NCOA6: variants seen among roughly 807,000 people sequenced by gnomAD.
The protein encoded by NCOA6 is nuclear receptor coactivator 6.
Under a neutral mutation model 171.4 loss-of-function variants are expected in NCOA6, and 49 were observed. That is an observed-to-expected ratio of 0.29 (90% CI 0.23 to 0.36). The LOEUF (loss-of-function observed/expected upper bound fraction) is 0.36. Among genes scored for constraint, NCOA6 ranks in the 10% least tolerant of loss-of-function variants. NCOA6 has a pLI of 1.00. For synonymous variants in NCOA6, 910 were observed against 927.5 expected, an observed-to-expected ratio of 0.98 and a Z score of 0.34; for missense variants, 2,248 against 2,554.5, an observed-to-expected ratio of 0.88 and a Z score of 2.59.
chr20:34,738,842 TTGAACTC>T (rs1225998353), intron 11 of NCOA6: 2 of 455,486 alleles, frequency 4.4e-6, no homozygotes, highest in Non-Finnish European at 8.8e-6. Flanking sequence ...GGGCTAGAAT[TTGAACTC>T]TGATCTTACC....
rs80328942 is a variant in NCOA6, at chr20:34,770,431, T to C, written c.392-1845A>G. On this transcript the variant is annotated intron_variant, in intron 4 of 14. Coordinates refer to ENST00000359003, the MANE Select transcript of NCOA6 (RefSeq NM_014071.5). ...ACTGGGAGCTACCAGATGCTATAGC[T>C]TGCCTCTAGAAGTCAGGCGTAAAAA... Among the ~76,000 whole-genome samples the C allele has an allele frequency of 7.1e-3, 1,081 of 152,194 alleles. 12 individuals are homozygous for C. The highest frequency in any genetic ancestry group is 0.024 in the African/African-American group (1,002 of 41,526).
In NCOA6 at chr20:34,750,253, T is replaced by C. The variant is rs756923392; in HGVS notation, c.1942A>G (p.Met648Val). 1.2e-6 allele frequency: 2 copies of C among 1,611,460 alleles called. No individual in the cohort carries two copies. Among genetic ancestry groups the C allele is most frequent in the South Asian group, 1.1e-5 (1 of 90,824 alleles). The change falls in exon 9 of 15, where the codon ATG becomes GTG. Residue 648 changes from methionine (M) to valine (V), a missense_variant. Coordinates refer to ENST00000359003, the MANE Select transcript of NCOA6 (RefSeq NM_014071.5). ...QQGTLNPQNP[M>V]ILSRAQLMPQ... is the part of the protein sequence containing the mutation. ...ATAAGCTGGGCCCTTGAAAGGATCATAGGGTTCTGAGGGTTCAAGGTTCCT... is the reference window on the plus strand; with the variant it reads ...ATAAGCTGGGCCCTTGAAAGGATCACAGGGTTCTGAGGGTTCAAGGTTCCT...
chr20:34,771,307 A>T (rs996144831), intron 4 of NCOA6, among the ~76,000 whole-genome samples: 1 of 151,628 alleles, frequency 6.6e-6, no homozygotes, highest in African/African-American at 2.4e-5. Flanking sequence ...TTAAATTTTA[A>T]ATTTTTTGTA....
In NCOA6 at chr20:34,782,187, C is replaced by T; in HGVS notation, c.169G>A (p.Asp57Asn). 6.2e-7 allele frequency: 1 copy of T among 1,612,394 alleles called. No homozygotes were observed. The highest frequency in any genetic ancestry group is 8.5e-7 in the Non-Finnish European group (1 of 1,179,176). Residue 57 changes from aspartate to asparagine, a missense_variant, in exon 3 of 15, where the codon GAT becomes AAT. By Grantham distance (23) the Asp-to-Asn change is conservative. Coordinates refer to ENST00000359003, the MANE Select transcript of NCOA6 (RefSeq NM_014071.5). ...TIFVAFKGNI[D>N]DKDFKWKLDA... ...AATTTCCATTTGAAGTCTTTATCAT[C>T]TATATTTCCTTTGAAGGCCACAAAA...
intron 1 of NCOA6, among the ~76,000 whole-genome samples, chr20:34,809,032 C>T (rs2078562500): frequency 6.6e-6 from 1 of 152,162 alleles, no homozygotes; most frequent in Non-Finnish European, 1.5e-5. Flanking sequence ...TGATTTCCCC[C>T]TGCAAAGTTA....
chr20:34,728,602 G>T (rs1335533287), intron 13 of NCOA6, among the ~76,000 whole-genome samples: 1 of 152,208 alleles, frequency 6.6e-6, no homozygotes, highest in Non-Finnish European at 1.5e-5. Flanking sequence ...AGAAACTCTG[G>T]TGTAACCCTT....
intron 11 of NCOA6, among the ~76,000 whole-genome samples, chr20:34,738,699 G>T (rs1205939425): frequency 6.6e-6 from 1 of 152,236 alleles, no homozygotes; most frequent in Non-Finnish European, 1.5e-5. Context: ...TTGGCCACTT[G>T]ACAAATCTTC....
chr20:34,796,829 A>C (rs1328574836), intron 1 of NCOA6, among the ~76,000 whole-genome samples: 1 of 152,000 alleles, frequency 6.6e-6, no homozygotes, highest in Non-Finnish European at 1.5e-5. Flanking sequence ...CAAATTAAAA[A>C]AAAAAAAGGT....
chr20:34,813,437 G>C (rs954353077), intron 1 of NCOA6, among the ~76,000 whole-genome samples: 1 of 149,906 alleles, frequency 6.7e-6, no homozygotes, highest in Non-Finnish European at 1.5e-5. Flanking sequence ...CTGTATTCCA[G>C]TCTGGGCAAC....
At chr20:34,726,000 A>C (rs987378064) in intron 14 of NCOA6, among the ~76,000 whole-genome samples, 1 of 152,320 alleles carries the variant, frequency 6.6e-6, no homozygotes, top group East Asian at 1.9e-4. Flanking sequence ...TGAAGAGAAA[A>C]GGTGACTCAG....
At chr20:34,783,925 T>G (rs1479245133) in intron 2 of NCOA6, among the ~76,000 whole-genome samples, 1 of 151,180 alleles carries the variant, frequency 6.6e-6, no homozygotes, top group African/African-American at 2.4e-5. Context: ...TTTATTTATT[T>G]ATGGCACTTA....
intron 12 of NCOA6, among the ~76,000 whole-genome samples, chr20:34,733,477 T>C (rs1200751172): frequency 6.6e-6 from 1 of 152,200 alleles, no homozygotes; most frequent in African/African-American, 2.4e-5. Flanking sequence ...TCAATGCTTA[T>C]TAGCCATGTG....
chr20:34,732,290 T>A (rs1044373460), intron 13 of NCOA6, among the ~76,000 whole-genome samples: 1 of 152,206 alleles, frequency 6.6e-6, no homozygotes, highest in African/African-American at 2.4e-5. Flanking sequence ...ACATTTACTA[T>A]TTCCTCATTA....
chr20:34,787,094 G>A (rs2378260), intron 2 of NCOA6, among the ~76,000 whole-genome samples: 127,356 of 151,156 alleles, frequency 0.84, 53,851 homozygotes, highest in Admixed American at 0.91. Context: ...TAATATCCAG[G>A]GCCCACAAGA....
chr20:34,738,982 G>A, intron 11 of NCOA6: 2 of 455,832 alleles, frequency 4.4e-6, no homozygotes, highest in South Asian at 3.1e-5. Context: ...ATATCGTAAA[G>A]GTCTTTCCCA....
At chr20:34,818,359 A>AAAAAC (rs755898577) in intron 1 of NCOA6, among the ~76,000 whole-genome samples, 38 of 152,270 alleles carry the variant, frequency 2.5e-4, no homozygotes, top group African/African-American at 7.7e-4. Context: ...GGTTCTATTT[A>AAAAAC]AAAACAAAAC....
rs1156974947 is a variant in NCOA6, at chr20:34,750,486, A to C, written c.1709T>G (p.Met570Arg). The C allele has an allele frequency of 1.9e-6, 3 of 1,612,018 alleles. No homozygotes were observed. In the East Asian group the frequency reaches 6.7e-5, roughly 36 times the overall value. The change falls in exon 9 of 15, where the codon ATG (methionine) becomes AGG (arginine). Residue 570 changes from methionine to arginine, a missense_variant. Around this residue, in one of 7 missense-constraint regions of NCOA6, gnomAD observed 987 missense variants for 1,104.7 expected, o/e 0.89. Coordinates refer to ENST00000359003, the MANE Select transcript of NCOA6 (RefSeq NM_014071.5). ...GQGAGPPQNQ[M>R]QVSHGPPNMM... ...ATTTGGCGGCCCGTGGGACACCTGC[A>C]TCTGGTTTTGAGGAGGACCAGCTCC...
At chr20:34,798,511 C>CGA (rs1217198950) in intron 1 of NCOA6, among the ~76,000 whole-genome samples, 2 of 152,300 alleles carry the variant, frequency 1.3e-5, no homozygotes, top group East Asian at 3.9e-4. Context: ...AGGCCTTGGG[C>CGA]GAGAGACCCA....
chr20:34,759,605 T>C (rs962357219), intron 5 of NCOA6, among the ~76,000 whole-genome samples: 1 of 152,226 alleles, frequency 6.6e-6, no homozygotes, highest in South Asian at 2.1e-4. Context: ...GCATTCTTTG[T>C]CAGCTTCCTT....
Sources: allele counts gnomAD v4.1 joint callset (sites outside exome capture counted in the v4.1 genomes callset), GRCh38; gene constraint gnomAD v4.1.1; regional missense constraint gnomAD v4.1.1; transcripts MANE v1.5; gene names NCBI Gene and HGNC (gene_info 2026-07-23, HGNC 2026-07-21).